The following STK4 variants were observed in gnomAD, a reference collection of about 807,000 sequenced individuals.
STK4 encodes the protein serine/threonine kinase 4.
A neutral mutation model predicts 64.9 loss-of-function variants in STK4; 30 were observed. That is an observed-to-expected ratio of 0.46 (90% CI 0.35 to 0.63). The LOEUF (loss-of-function observed/expected upper bound fraction) is 0.63, where lower values mean the gene tolerates loss of function less well. STK4 is among the 20% of genes least tolerant of loss of function. The pLI is 0.01. For synonymous variants in STK4, 177 were observed against 199.0 expected, an observed-to-expected ratio of 0.89 and a Z score of 0.93; for missense variants, 466 against 598.5, an observed-to-expected ratio of 0.78 and a Z score of 2.31.
intron 9 of STK4, among the ~76,000 whole-genome samples, chr20:45,004,671 T>G (rs2067902968): frequency 6.6e-6 from 1 of 152,010 alleles, no homozygotes; most frequent in African/African-American, 2.4e-5. Flanking sequence ...CAGAGACTCT[T>G]TAGTTTAATT....
intron 9 of STK4, among the ~76,000 whole-genome samples, chr20:45,001,831 T>C (rs997143519): frequency 2.6e-5 from 4 of 152,252 alleles, no homozygotes; most frequent in Non-Finnish European, 4.4e-5. Flanking sequence ...CAGTTTCTTC[T>C]AGTTTAAACT....
At chr20:45,017,734 A>AT (rs1305276090) in intron 9 of STK4, among the ~76,000 whole-genome samples, 8 of 152,292 alleles carry the variant, frequency 5.3e-5, no homozygotes, top group South Asian at 2.1e-4. Flanking sequence ...ACCTGTGAAC[A>AT]TTTTTTATCT....
At chr20:44,997,921 G>A (rs904034327) in intron 7 of STK4, among the ~76,000 whole-genome samples, 1 of 152,180 alleles carries the variant, frequency 6.6e-6, no homozygotes, top group Non-Finnish European at 1.5e-5. Flanking sequence ...TGAAGGGTGG[G>A]TATTATTTCA....
intron 10 of STK4, among the ~76,000 whole-genome samples, chr20:45,051,552 T>C (rs1001073885): frequency 6.6e-6 from 1 of 152,176 alleles, no homozygotes; most frequent in Non-Finnish European, 1.5e-5. Flanking sequence ...TCTTGTATAG[T>C]GGGATTTAGC....
intron 5 of STK4, among the ~76,000 whole-genome samples, chr20:44,989,926 G>GT: frequency 6.6e-6 from 1 of 152,232 alleles, no homozygotes; most frequent in African/African-American, 2.4e-5. Flanking sequence ...CCAGTTCTGT[G>GT]CTGTCTTGAT....
chr20:45,003,791 A>G lies in STK4; in HGVS notation c.1147+2438A>G, dbSNP rs150005127. On this transcript the variant is annotated intron_variant, in intron 9 of 10. Coordinates refer to ENST00000372806, the MANE Select transcript of STK4 (RefSeq NM_006282.5). ...GAGTGCAGTGGTGCGATCTTGGCTC[A>G]CAGCAACCTCCACCTCCCGGGTTCA... 6.7e-3 allele frequency among the ~76,000 whole-genome samples: 954 copies of G among 143,412 alleles called. 11 individuals carry two copies. The Middle Eastern group carries it at 0.073, about 11-fold the overall frequency. The allele number at this position is 143,412 out of a possible 152,430, so 94.1% of individuals were successfully genotyped here.
At chr20:44,984,467 G>A (rs1273121265) in intron 4 of STK4, among the ~76,000 whole-genome samples, 2 of 152,122 alleles carry the variant, frequency 1.3e-5, no homozygotes, top group African/African-American at 4.8e-5. Context: ...CTCCCAAAGT[G>A]CTGGGATTAC....
chr20:45,058,035 T>C (rs182899145), intron 10 of STK4, among the ~76,000 whole-genome samples: 9 of 147,442 alleles, frequency 6.1e-5, no homozygotes, highest in South Asian at 4.3e-4. Context: ...TAAAAACTTA[T>C]ATTTAGCAGT....
intron 10 of STK4, among the ~76,000 whole-genome samples, chr20:45,035,801 A>C (rs2068518522): frequency 6.6e-6 from 1 of 152,066 alleles, no homozygotes; most frequent in Non-Finnish European, 1.5e-5. Flanking sequence ...ATTAAACTCA[A>C]ATATAGTCAT....
chr20:45,045,581 C>T (rs1280991346), intron 10 of STK4, among the ~76,000 whole-genome samples: 4 of 152,176 alleles, frequency 2.6e-5, no homozygotes, highest in South Asian at 2.1e-4. Flanking sequence ...CTGGGAATTT[C>T]GTGACATTAG....
intron 10 of STK4, among the ~76,000 whole-genome samples, chr20:45,049,678 C>T (rs2068748235): frequency 6.6e-6 from 1 of 152,164 alleles, no homozygotes; most frequent in Non-Finnish European, 1.5e-5. Flanking sequence ...ACTGTGAATT[C>T]AGCACTTCAT....
At chr20:45,000,264 A>C in intron 7 of STK4, 128 bp from the exon 8 acceptor site, 1 of 1,271,722 alleles carries the variant, frequency 7.9e-7, no homozygotes. Context: ...TGTCCGAAGC[A>C]CAAAGAGAAA....
At chr20:45,020,554 C>A (rs1486993879) in intron 9 of STK4, among the ~76,000 whole-genome samples, 1 of 151,900 alleles carries the variant, frequency 6.6e-6, no homozygotes, top group African/African-American at 2.4e-5. Flanking sequence ...TTGTAAACCA[C>A]CCTAAAATTT....
intron 8 of STK4, 106 bp downstream of exon 8, chr20:45,000,626 AG>A: frequency 2.7e-6 from 4 of 1,496,578 alleles, no homozygotes; most frequent in Non-Finnish European, 3.6e-6. Flanking sequence ...TTGGAGCTGG[AG>A]ATGCTTCCAG....
intron 9 of STK4, among the ~76,000 whole-genome samples, chr20:45,024,771 C>T (rs189983151): frequency 3.9e-5 from 6 of 152,288 alleles, no homozygotes; most frequent in Admixed American, 3.3e-4. Context: ...GAAATCTTAA[C>T]TCCTCTGGAA....
At chr20:45,036,651 G>A (rs768869669) in intron 10 of STK4, among the ~76,000 whole-genome samples, 9 of 152,124 alleles carry the variant, frequency 5.9e-5, no homozygotes, top group Non-Finnish European at 1.0e-4. Flanking sequence ...TGGTAAGAAC[G>A]AATCATCCAT....
intron 5 of STK4, among the ~76,000 whole-genome samples, chr20:44,988,435 A>G (rs555008366): frequency 6.7e-6 from 1 of 150,224 alleles, no homozygotes; most frequent in East Asian, 2.0e-4. Context: ...AGATTGCGCC[A>G]TTGCACTCTG....
Position 44,987,358 on chromosome 20 carries a change from T to A in STK4, c.525+62T>A, listed in dbSNP as rs934030890. 8.9e-6 allele frequency: 13 copies of A among 1,455,980 alleles called. No individual in the cohort carries two copies. The African/African-American group carries it at 1.9e-4, about 21-fold the overall frequency. The allele number at this position is 1,455,980 out of a possible 1,614,324, so 90.2% of individuals were successfully genotyped here. A position where few individuals can be genotyped will look rare whatever the true frequency, so the allele number is the denominator to read the frequency against. On this transcript the variant is annotated intron_variant, in intron 5 of 10. Coordinates refer to ENST00000372806, the MANE Select transcript of STK4 (RefSeq NM_006282.5). ...TTCTGTCCTGAGAAGCAGTTCCTTT[T>A]ATTTACCTATTTTTAAAATATAATA...
Position 45,012,218 on chromosome 20 carries a change from T to C in STK4, c.1147+10865T>C, listed in dbSNP as rs945764628. ...ACCTGGCTAATGGTTTGTATTTTAG[T>C]AGAGATAGGGTTTCACTGTTTTGGC... On this transcript the variant is annotated intron_variant, in intron 9 of 10. Coordinates refer to ENST00000372806, the MANE Select transcript of STK4 (RefSeq NM_006282.5). Among the ~76,000 whole-genome samples the C allele has an allele frequency of 3.3e-5, 5 of 152,174 alleles. No homozygotes were observed. In the South Asian group the frequency reaches 8.3e-4, roughly 25 times the overall value.
Sources: allele counts gnomAD v4.1 joint callset (sites outside exome capture counted in the v4.1 genomes callset), GRCh38; gene constraint gnomAD v4.1.1; transcripts MANE v1.5; gene names NCBI Gene and HGNC (gene_info 2026-07-23, HGNC 2026-07-21).